Variants in ATIC observed in about 807,000 individuals in gnomAD.
ATIC encodes bifunctional purine biosynthesis protein ATIC.
ATIC carries 64 observed loss-of-function variants against 72.5 expected under a neutral mutation model. The observed-to-expected ratio is 0.88, with a 90% confidence interval of 0.72 to 1.09. ATIC has a LOEUF of 1.09. ATIC is among the 50% of genes least tolerant of loss of function. ATIC has a pLI of 0.00. For synonymous variants in ATIC, 281 were observed against 267.1 expected (o/e 1.05, Z -0.51); for missense variants, 787 against 732.4 (o/e 1.07, Z -0.86).
intron 9 of ATIC, among the ~76,000 whole-genome samples, chr2:215,333,907 T>TG (rs932367829): frequency 4.6e-5 from 7 of 151,294 alleles, no homozygotes; most frequent in Admixed American, 2.0e-4. Flanking sequence ...CTGGGCGTGG[T>TG]GGGGGGTACC....
At chr2:215,326,227 A>T in intron 6 of ATIC, 89 bp downstream of exon 6, 2 of 1,483,056 alleles carry the variant, frequency 1.3e-6, no homozygotes, top group Non-Finnish European at 1.9e-6. Context: ...GGTAGATTGC[A>T]TTACCTACCA....
intron 7 of ATIC, among the ~76,000 whole-genome samples, chr2:215,327,750 G>C (rs1390865646): frequency 6.6e-6 from 1 of 152,136 alleles, no homozygotes; most frequent in Non-Finnish European, 1.5e-5. Context: ...GTCAGCATTT[G>C]GTGAGGGGGT....
chr2:215,330,553 A>ATT (rs1289188835), intron 7 of ATIC, among the ~76,000 whole-genome samples: 1 of 152,158 alleles, frequency 6.6e-6, no homozygotes, highest in African/African-American at 2.4e-5. Context: ...TGTGTTGTAC[A>ATT]TTCTGTGTAT....
chr2:215,339,702 T>C (rs542693070), intron 12 of ATIC, among the ~76,000 whole-genome samples: 13 of 143,112 alleles, frequency 9.1e-5, no homozygotes, highest in Non-Finnish European at 1.7e-4. Flanking sequence ...TGGTGCGATC[T>C]CGGGTCACTG....
chr2:215,358,215 A>ACAAT, the ATIC span, among the ~76,000 whole-genome samples: 1 of 151,954 alleles, frequency 6.6e-6, no homozygotes, highest in African/African-American at 2.4e-5. Flanking sequence ...TATAAAATGT[A>ACAAT]ACATTTTATT....
intron 12 of ATIC, 59 bp from the exon 13 acceptor site, chr2:215,344,720 C>A: frequency 6.6e-7 from 1 of 1,505,656 alleles, no homozygotes; most frequent in Non-Finnish European, 9.2e-7. Context: ...AAAAAAGAAG[C>A]TTAAAGTTAA....
downstream of ATIC, among the ~76,000 whole-genome samples, chr2:215,350,672 C>T (rs1398871416): frequency 6.6e-6 from 1 of 152,186 alleles, no homozygotes; most frequent in African/African-American, 2.4e-5. Context: ...ATATTTGGTG[C>T]TCAGAAATTG....
chr2:215,337,806 A>G (rs1336132333), intron 11 of ATIC, among the ~76,000 whole-genome samples: 2 of 152,072 alleles, frequency 1.3e-5, no homozygotes, highest in Admixed American at 1.3e-4. Context: ...TTAACACCTG[A>G]TAGTTGGAGA....
At chr2:215,343,956 A>C (rs936469640) in intron 12 of ATIC, among the ~76,000 whole-genome samples, 2 of 152,176 alleles carry the variant, frequency 1.3e-5, no homozygotes, top group Non-Finnish European at 2.9e-5. Context: ...GGTAATTCCT[A>C]ATGGTTTTTG....
chr2:215,346,127 A>G (rs1204216909), intron 13 of ATIC, among the ~76,000 whole-genome samples: 1 of 152,016 alleles, frequency 6.6e-6, no homozygotes, highest in Non-Finnish European at 1.5e-5. Context: ...TCAAGTAACC[A>G]TAGTTATTTT....
At chr2:215,322,202 C>T (rs780500904) in intron 4 of ATIC, among the ~76,000 whole-genome samples, 22 of 151,658 alleles carry the variant, frequency 1.5e-4, no homozygotes, top group Admixed American at 8.5e-4. Context: ...CATGCCCGGC[C>T]CACAAAAGTT....
At chr2:215,359,850 T>A in the ATIC span, among the ~76,000 whole-genome samples, 1 of 152,214 alleles carries the variant, frequency 6.6e-6, no homozygotes, top group East Asian at 1.9e-4. Flanking sequence ...ATTTAAAAAG[T>A]GCTTTGCATG....
At chr2:215,364,772 A>C in the ATIC span, 1 of 753,150 alleles carries the variant, frequency 1.3e-6, no homozygotes, top group Admixed American at 2.0e-5. Flanking sequence ...GTGGTATTTT[A>C]ATACTTCCGA....
intron 8 of ATIC, 74 bp downstream of exon 8, chr2:215,332,581 C>T: frequency 6.4e-7 from 1 of 1,569,092 alleles, no homozygotes. Context: ...TGAATATTAA[C>T]AAGTTCTAAT....
chr2:215,359,695 G>A, the ATIC span, among the ~76,000 whole-genome samples: 1 of 151,600 alleles, frequency 6.6e-6, no homozygotes, highest in Admixed American at 6.6e-5. Context: ...AAATGTCAAA[G>A]CATTTTATAA....
chr2:215,367,201 TCTAATC>T, the ATIC span, among the ~76,000 whole-genome samples: 1 of 152,200 alleles, frequency 6.6e-6, no homozygotes, highest in African/African-American at 2.4e-5. Context: ...GTTTATAAAT[TCTAATC>T]CTAATCTCAA....
intron 9 of ATIC, among the ~76,000 whole-genome samples, chr2:215,334,293 A>G (rs1312312798): frequency 4.1e-5 from 6 of 146,112 alleles, no homozygotes; most frequent in African/African-American, 1.5e-4. Context: ...TCCTGGGTTC[A>G]AGCGATTCTC....
At chr2:215,355,554 CAG>C in the ATIC span, among the ~76,000 whole-genome samples, 1 of 152,212 alleles carries the variant, frequency 6.6e-6, no homozygotes, top group East Asian at 1.9e-4. Flanking sequence ...GTCCCTTCCT[CAG>C]AGCACAGAAC....
chr2:215,361,701 G>A, the ATIC span: 6 of 1,197,132 alleles, frequency 5.0e-6, no homozygotes, highest in Middle Eastern at 1.9e-4. Flanking sequence ...ATGCGGGGAG[G>A]TGGGGACTCA....
Sources: allele counts gnomAD v4.1 joint callset (sites outside exome capture counted in the v4.1 genomes callset), GRCh38; gene constraint gnomAD v4.1.1; transcripts MANE v1.5; gene names NCBI Gene and HGNC (gene_info 2026-07-23, HGNC 2026-07-21).